FER: variants seen among roughly 807,000 people sequenced by gnomAD.
The protein encoded by FER is FER tyrosine kinase.
A neutral mutation model predicts 111.0 loss-of-function variants in FER; 63 were observed. The observed-to-expected ratio is 0.57, with a 90% CI of 0.46 to 0.70. The LOEUF (loss-of-function observed/expected upper bound fraction) is 0.70, where lower values mean the gene tolerates loss of function less well. FER is among the 30% of genes least tolerant of loss of function. FER has a pLI of 0.00. For missense variants in FER, 914 were observed against 954.0 expected (o/e 0.96, Z 0.55); for synonymous variants, 327 against 313.9 (o/e 1.04, Z -0.44).
At chr5:109,095,359 A>G (rs538584069) in intron 16 of FER, among the ~76,000 whole-genome samples, 1 of 152,068 alleles carries the variant, frequency 6.6e-6, no homozygotes, top group East Asian at 1.9e-4. Context: ...AACCGACCCA[A>G]TTCTAGCTTA....
At position 109,128,010 on chromosome 5, in the gene FER, T is replaced by C. The variant is rs150422700; in HGVS notation, c.2048+27491T>C. Among the ~76,000 whole-genome samples, 274 of 152,352 alleles carry C rather than the reference T, an allele frequency of 1.8e-3. 1 individual carries two copies. Among genetic ancestry groups the C allele is most frequent in the African/African-American group, 6.2e-3 (256 of 41,594 alleles). ...TTTATCCATATTTGATTTTAACTTT[T>C]ACCAGTTCTGTTGAAAACCGTTAAT... On this transcript the variant is annotated intron_variant, in intron 17 of 19. Coordinates refer to ENST00000281092, the MANE Select transcript of FER (RefSeq NM_005246.4).
rs1759107260 is a variant in FER, at chr5:109,188,368, G to C, written c.*793G>C. On this transcript the variant is annotated 3_prime_UTR_variant, in exon 20 of 20. Coordinates refer to ENST00000281092, the MANE Select transcript of FER (RefSeq NM_005246.4). ...AGTTCGAGACCAGCCTGGCTTGCAT[G>C]GTGAAACCCTGTCTCTACCAAAAAA... 7.4e-6 allele frequency: 1 copy of C among 134,722 alleles called. No homozygotes were observed. The highest frequency in any genetic ancestry group is 2.5e-4 in the South Asian group (1 of 4,000). The allele number at this position is 134,722 out of a possible 1,614,324, so 8.3% of individuals were successfully genotyped here. A position where few individuals can be genotyped will look rare whatever the true frequency, so the allele number is the denominator to read the frequency against.
intron 9 of FER, among the ~76,000 whole-genome samples, chr5:108,889,250 T>C (rs963145244): frequency 6.6e-6 from 1 of 151,818 alleles, no homozygotes; most frequent in African/African-American, 2.4e-5. Flanking sequence ...CCAAGAGATA[T>C]TTACACTCCC....
At chr5:108,989,146 AC>A (rs1762891613) in intron 13 of FER, among the ~76,000 whole-genome samples, 1 of 152,000 alleles carries the variant, frequency 6.6e-6, no homozygotes, top group Non-Finnish European at 1.5e-5. Context: ...TAATCTTATT[AC>A]CAGGAGTCAG....
chr5:108,978,045 C>T (rs1346305829), intron 13 of FER, among the ~76,000 whole-genome samples: 1 of 152,152 alleles, frequency 6.6e-6, no homozygotes, highest in Admixed American at 6.5e-5. Context: ...TGGGGTTTCA[C>T]CGCATTGCCC....
chr5:108,845,045 T>TATATATATATATATATATATATAC (rs1761859908), intron 5 of FER, among the ~76,000 whole-genome samples: 2 of 39,138 alleles, frequency 5.1e-5, no homozygotes, highest in Non-Finnish European at 9.3e-5. Flanking sequence ...TATATACATA[T>TATATATATATATATATATATATAC]ATATATATAT....
chr5:108,921,581 T>C (rs529086213), intron 10 of FER, among the ~76,000 whole-genome samples: 1 of 152,252 alleles, frequency 6.6e-6, no homozygotes, highest in East Asian at 1.9e-4. Flanking sequence ...TCCTAGGGGA[T>C]AGGGAACATA....
At chr5:108,848,965 T>C (rs1282758826) in intron 5 of FER, among the ~76,000 whole-genome samples, 2 of 152,108 alleles carry the variant, frequency 1.3e-5, no homozygotes, top group Non-Finnish European at 2.9e-5. Context: ...TTTACCTCTT[T>C]ATGTATTTAA....
At chr5:108,778,081 C>G (rs186416588) in intron 2 of FER, among the ~76,000 whole-genome samples, 3 of 152,296 alleles carry the variant, frequency 2.0e-5, no homozygotes, top group Admixed American at 2.0e-4. Context: ...AGACTTCTTT[C>G]ATTTAGTAAG....
At chr5:109,044,636 A>G (rs778670136) in intron 14 of FER, 44 bp from the exon 15 acceptor site, 3 of 996,726 alleles carry the variant, frequency 3.0e-6, no homozygotes, top group South Asian at 1.7e-5. Flanking sequence ...AAAGATATAC[A>G]TGCTGTCATT....
chr5:109,034,906 A>G (rs1356404007), intron 13 of FER, among the ~76,000 whole-genome samples: 2 of 152,120 alleles, frequency 1.3e-5, no homozygotes, highest in Non-Finnish European at 2.9e-5. Flanking sequence ...AGAACTGCTA[A>G]TCAAATGGAA....
intron 9 of FER, among the ~76,000 whole-genome samples, chr5:108,885,346 A>C (rs1213476906): frequency 6.6e-6 from 1 of 151,960 alleles, no homozygotes; most frequent in East Asian, 1.9e-4. Flanking sequence ...CCATTCTATT[A>C]TACCACATCA....
At position 108,798,242 on chromosome 5, in the gene FER, G is replaced by A; in HGVS notation, c.60G>A (p.Trp20Ter). Residue 20 changes from tryptophan (W) to a stop codon, truncating the protein, a stop_gained, in exon 3 of 20, where the codon TGG becomes TGA. Coordinates refer to ENST00000281092, the MANE Select transcript of FER (RefSeq NM_005246.4). LOFTEE classifies it high-confidence loss of function. ...SHEAVLKLQD[W>*]ELRLLETVKK... ...AAGCAGTGTTAAAATTGCAAGACTG[G>A]GAATTACGGTTACTGGAAACAGTAA... 1 of 1,613,984 alleles carries A rather than the reference G, an allele frequency of 6.2e-7. No individual in the cohort carries two copies. Among genetic ancestry groups the A allele is most frequent in the Non-Finnish European group, 8.5e-7 (1 of 1,180,000 alleles).
intron 6 of FER, among the ~76,000 whole-genome samples, chr5:108,870,419 C>T (rs1043724583): frequency 6.6e-6 from 1 of 151,920 alleles, no homozygotes; most frequent in African/African-American, 2.4e-5. Context: ...GATTATAATC[C>T]CAGAGATACT....
chr5:109,027,186 G>A (rs1190173808), intron 13 of FER, among the ~76,000 whole-genome samples: 2 of 151,816 alleles, frequency 1.3e-5, no homozygotes, highest in African/African-American at 4.8e-5. Flanking sequence ...CCTTTGACCA[G>A]GGGCTGGACA....
chr5:109,149,208 T>A (rs1754555401), intron 17 of FER, among the ~76,000 whole-genome samples: 1 of 152,200 alleles, frequency 6.6e-6, no homozygotes, highest in African/African-American at 2.4e-5. Context: ...AGTCTAAATT[T>A]GAGGCCTCTC....
At chr5:109,132,057 C>G (rs1353247858) in intron 17 of FER, among the ~76,000 whole-genome samples, 1 of 152,162 alleles carries the variant, frequency 6.6e-6, no homozygotes, top group Non-Finnish European at 1.5e-5. Context: ...AAATATGCAA[C>G]AAGCAGTTAC....
At chr5:109,126,761 A>G (rs556309201) in intron 17 of FER, among the ~76,000 whole-genome samples, 9 of 152,220 alleles carry the variant, frequency 5.9e-5, no homozygotes, top group Non-Finnish European at 8.8e-5. Context: ...GCAGATAAAA[A>G]GCAGGTATAG....
chr5:108,772,459 G>A (rs1554060757), intron 2 of FER, among the ~76,000 whole-genome samples: 1 of 147,668 alleles, frequency 6.8e-6, no homozygotes, highest in Admixed American at 6.7e-5. Flanking sequence ...TTTTTTTCAT[G>A]ATCTGTATTT....
Sources: gnomAD v4.1 joint callset for allele counts (sites outside exome capture counted in the v4.1 genomes callset) on GRCh38, gnomAD v4.1.1 for gene constraint, MANE v1.5 for transcripts, NCBI Gene and HGNC (gene_info 2026-07-23, HGNC 2026-07-21) for gene names.